Variants in APC observed in about 807,000 individuals in gnomAD.
The protein encoded by APC is adenomatous polyposis coli protein.
APC carries 72 observed loss-of-function variants against 247.0 expected under a neutral mutation model. The ratio of observed to expected loss-of-function variants is 0.29; its 90% CI spans 0.24 to 0.35. The LOEUF is 0.35. Among genes scored for constraint, APC ranks in the 10% least tolerant of loss-of-function variants. The probability of loss-of-function intolerance (pLI) is 1.00; values close to 1 mark genes in which losing one functional copy is unlikely to be tolerated. For synonymous variants in APC, 1,254 were observed against 1,162.5 expected (o/e 1.08, Z -1.60); for missense variants, 3,400 against 3,360.7 (o/e 1.01, Z -0.29).
At position 112,843,681 on chromosome 5, in the gene APC, A is replaced by T. The variant is rs968968331; in HGVS notation, c.8087A>T (p.Asp2696Val). ...VSEKANPNIK[D>V]SKDNQAKQNV... ...GAAAAGGCAAATCCAAACATTAAAG[A>T]TTCAAAAGATAATCAGGCAAAACAA... Residue 2696 changes from aspartate to valine, a missense_variant, in exon 16 of 16, where the codon GAT becomes GTT. Physicochemically the swap from Asp to Val is radical, Grantham distance 152. Coordinates refer to ENST00000257430, the MANE Select transcript of APC (RefSeq NM_000038.6). The surrounding 1 kb of genome is among the most constrained non-coding windows in gnomAD (Gnocchi z 4.8). 6.2e-7 allele frequency: 1 copy of T among 1,614,078 alleles called. No homozygotes were observed. The highest frequency in any genetic ancestry group is 8.5e-7 in the Non-Finnish European group (1 of 1,179,928).
chr5:112,786,715 A>G (rs779060867), intron 6 of APC, among the ~76,000 whole-genome samples: 9 of 152,216 alleles, frequency 5.9e-5, no homozygotes, highest in Non-Finnish European at 8.8e-5. Context: ...GTATTAAAAA[A>G]GAAAACAGCT....
intron 15 of APC, among the ~76,000 whole-genome samples, chr5:112,835,572 AT>A (rs11376379): frequency 0.41 from 54,931 of 132,726 alleles, 10,745 homozygotes; most frequent in East Asian, 0.62. Flanking sequence ...CATAATAATA[AT>A]TTTTTTTTTT....
At chr5:112,788,146 T>G (rs1261929709) in intron 6 of APC, among the ~76,000 whole-genome samples, 1 of 152,182 alleles carries the variant, frequency 6.6e-6, no homozygotes, top group Non-Finnish European at 1.5e-5. Flanking sequence ...GTTAGTCCAC[T>G]TTAGCTTCTC....
At chr5:112,745,351 A>G (rs1051740706) in intron 1 of APC, among the ~76,000 whole-genome samples, 6 of 152,030 alleles carry the variant, frequency 3.9e-5, no homozygotes, top group Admixed American at 1.3e-4. Context: ...AGTATCCCCT[A>G]GATCAAAGAG....
At chr5:112,809,272 C>G (rs1233904763) in intron 8 of APC, among the ~76,000 whole-genome samples, 1 of 151,888 alleles carries the variant, frequency 6.6e-6, no homozygotes, top group African/African-American at 2.4e-5. Flanking sequence ...GTGGCTGACC[C>G]TGGAAGGTCA....
chr5:112,724,397 A>G (rs1024692137), intron 1 of APC, among the ~76,000 whole-genome samples: 5 of 152,212 alleles, frequency 3.3e-5, no homozygotes, highest in Admixed American at 3.3e-4. Flanking sequence ...TGGGCCTTGA[A>G]GTATGAGAGG....
At chr5:112,835,575 T>G (rs914451120) in intron 15 of APC, among the ~76,000 whole-genome samples, 6 of 147,674 alleles carry the variant, frequency 4.1e-5, no homozygotes, top group Non-Finnish European at 7.5e-5. Context: ...AATAATAATT[T>G]TTTTTTTTTT....
intron 6 of APC, among the ~76,000 whole-genome samples, chr5:112,781,620 A>G (rs1278226829): frequency 6.6e-6 from 1 of 152,224 alleles, no homozygotes; most frequent in Non-Finnish European, 1.5e-5. Context: ...AAAAGCAGAG[A>G]CCAACATTTA....
intron 1 of APC, among the ~76,000 whole-genome samples, chr5:112,740,032 T>G (rs1237773202): frequency 6.6e-6 from 1 of 152,118 alleles, no homozygotes; most frequent in Non-Finnish European, 1.5e-5. Context: ...AAAACTATAA[T>G]GCCTTTTATT....
At chr5:112,726,850 A>C (rs1751809279) in intron 1 of APC, among the ~76,000 whole-genome samples, 1 of 152,214 alleles carries the variant, frequency 6.6e-6, no homozygotes, top group Non-Finnish European at 1.5e-5. Flanking sequence ...TATAAAGTAA[A>C]TATGAAGTTT....
intron 1 of APC, among the ~76,000 whole-genome samples, chr5:112,724,498 A>AGTAT (rs926056612): frequency 1.1e-4 from 17 of 151,724 alleles, no homozygotes; most frequent in African/African-American, 4.1e-4. Context: ...ATGACATACA[A>AGTAT]GAGTCTTGTC....
chr5:112,731,998 G>A (rs1752125346), intron 1 of APC, among the ~76,000 whole-genome samples: 2 of 152,240 alleles, frequency 1.3e-5, no homozygotes, highest in Admixed American at 1.3e-4. Context: ...CTGGCCTCAA[G>A]TGATCTGCCC....
chr5:112,800,489 G>A (rs1398502813), intron 7 of APC, among the ~76,000 whole-genome samples: 2 of 152,174 alleles, frequency 1.3e-5, no homozygotes, highest in South Asian at 4.2e-4. Flanking sequence ...AAGAAATTAC[G>A]TTAGGAATCA....
chr5:112,752,176 T>A (rs1754461665), intron 1 of APC, among the ~76,000 whole-genome samples: 1 of 152,192 alleles, frequency 6.6e-6, no homozygotes, highest in Non-Finnish European at 1.5e-5. Flanking sequence ...TTTGCTTTCC[T>A]GCCTTCTTAT....
Position 112,727,949 on chromosome 5 carries a change from T to TAA in APC, c.165+20077_165+20078dup, listed in dbSNP as rs35080996. Among the ~76,000 whole-genome samples the TAA allele has an allele frequency of 5.3e-3, 793 of 148,962 alleles. 1 individual carries two copies. Among genetic ancestry groups the TAA allele is most frequent in the Non-Finnish European group, 8.4e-3 (564 of 67,046 alleles). On this transcript the variant is annotated intron_variant, in intron 1 of 13. Transcript: ENST00000507379. ...AAAACCTTGTTTTAAACATTTAACT[T>TAA]AAAAAAAAAAATCAGAATTTTATCC...
chr5:112,840,620 A>G lies in APC; in HGVS notation c.5026A>G (p.Arg1676Gly), dbSNP rs370560998. The G allele has an allele frequency of 1.1e-4, 179 of 1,613,952 alleles. No individual in the cohort carries two copies. In the Middle Eastern group the frequency reaches 1.3e-3, roughly 12 times the overall value. The stretch of plus-strand genomic sequence containing the variant: ...TGAGTTAGCTGCTGGAGAAGGAGTT[A>G]GAGGAGGGGCACAGTCAGGTGAATT... ...PNELAAGEGV[R>G]GGAQSGEFEK... is the part of the protein sequence containing the mutation. The change falls in exon 16 of 16, where the codon AGA (arginine) becomes GGA (glycine). Residue 1676 changes from arginine (R) to glycine (G), a missense_variant. Arg to Gly is a moderately radical substitution (Grantham distance 125). Transcript: ENST00000257430. The surrounding 1 kb of genome is among the most constrained non-coding windows in gnomAD (Gnocchi z 4.1).
chr5:112,777,285 A>G (rs989633490), intron 5 of APC, among the ~76,000 whole-genome samples: 1 of 150,510 alleles, frequency 6.6e-6, no homozygotes, highest in East Asian at 1.9e-4. Context: ...CACACACACG[A>G]AAAAAAAACA....
intron 1 of APC, among the ~76,000 whole-genome samples, chr5:112,722,433 G>T (rs961213999): frequency 1.1e-4 from 17 of 152,102 alleles, no homozygotes; most frequent in Admixed American, 1.1e-3. Context: ...CAAAGACGTG[G>T]GGCTTTTTCC....
chr5:112,760,105 G>T (rs1359461079), intron 2 of APC, among the ~76,000 whole-genome samples: 3 of 151,996 alleles, frequency 2.0e-5, no homozygotes, highest in African/African-American at 7.2e-5. Context: ...TTCTTCCTGG[G>T]GTATATTGAT....
Sources: gnomAD v4.1 joint callset for allele counts (sites outside exome capture counted in the v4.1 genomes callset) on GRCh38, gnomAD v4.1.1 for gene constraint, Gnocchi (gnomAD v3.1) non-coding constraint, MANE v1.5 for transcripts, NCBI Gene and HGNC (gene_info 2026-07-23, HGNC 2026-07-21) for gene names.